Variants in CPAP observed in about 807,000 individuals in gnomAD.
The protein encoded by CPAP is centrosomal P4.1-associated protein.
the CPAP span, among the ~76,000 whole-genome samples, chr13:24,917,750 A>G: frequency 6.6e-6 from 1 of 152,230 alleles, no homozygotes; most frequent in African/African-American, 2.4e-5. Context: ...GGTAATTTAT[A>G]AAGAAATTTA....
the CPAP span, chr13:24,899,649 G>T: frequency 7.8e-7 from 1 of 1,287,168 alleles, no homozygotes; most frequent in Non-Finnish European, 1.1e-6. Context: ...TGCAGAACCT[G>T]CTGACAGGCT....
the CPAP span, chr13:24,906,822 T>C: frequency 1.9e-6 from 3 of 1,614,242 alleles, no homozygotes; most frequent in Non-Finnish European, 2.5e-6. Context: ...TCCTCGGAAG[T>C]GCTCTGGTTA....
At chr13:24,884,223 T>C in the CPAP span, 1 of 1,614,224 alleles carries the variant, frequency 6.2e-7, no homozygotes, top group Non-Finnish European at 8.5e-7. Context: ...GTGAGTGGTC[T>C]GGGCAGCTGC....
chr13:24,909,437 A>C, the CPAP span, among the ~76,000 whole-genome samples: 16 of 152,238 alleles, frequency 1.1e-4, no homozygotes, highest in South Asian at 2.1e-4. Flanking sequence ...CTGAGACACA[A>C]GAATCACTTG....
At chr13:24,920,241 G>A in the CPAP span, among the ~76,000 whole-genome samples, 2 of 152,320 alleles carry the variant, frequency 1.3e-5, no homozygotes, top group South Asian at 4.1e-4. Flanking sequence ...TCCACGAATA[G>A]TATCATGAAT....
chr13:24,909,682 A>G, the CPAP span: 3 of 1,039,584 alleles, frequency 2.9e-6, no homozygotes, highest in Non-Finnish European at 4.3e-6. Flanking sequence ...ACACGGCAAC[A>G]CTCCATCTCT....
At chr13:24,909,833 C>T in the CPAP span, 2 of 1,613,580 alleles carry the variant, frequency 1.2e-6, no homozygotes, top group Non-Finnish European at 1.7e-6. Flanking sequence ...TATTTTTTTC[C>T]ACAGGTGCTT....
At chr13:24,931,244 C>T in the CPAP span, among the ~76,000 whole-genome samples, 4 of 147,588 alleles carry the variant, frequency 2.7e-5, no homozygotes, top group African/African-American at 1.0e-4. Context: ...TGCACTTCCT[C>T]GGCTCAGGGA....
At chr13:24,885,598 A>G in the CPAP span, 1 of 1,592,980 alleles carries the variant, frequency 6.3e-7, no homozygotes, top group Non-Finnish European at 8.6e-7. Flanking sequence ...ATAAAAACAG[A>G]GATTTACTTG....
chr13:24,918,805 AG>A, the CPAP span, among the ~76,000 whole-genome samples: 169 of 152,294 alleles, frequency 1.1e-3, no homozygotes, highest in African/African-American at 3.9e-3. Context: ...GACTAGGCTT[AG>A]GAAGAGAAAG....
At chr13:24,933,389 A>C in the CPAP span, 1 of 319,610 alleles carries the variant, frequency 3.1e-6, no homozygotes, top group African/African-American at 2.1e-5. Context: ...ATATTACTAG[A>C]GCACAGCCAA....
the CPAP span, among the ~76,000 whole-genome samples, chr13:24,888,871 T>C: frequency 6.6e-6 from 1 of 152,134 alleles, no homozygotes; most frequent in Non-Finnish European, 1.5e-5. Context: ...ACACAGAATA[T>C]GAAACAATAC....
chr13:24,933,346 C>T, the CPAP span: 66 of 439,182 alleles, frequency 1.5e-4, no homozygotes, highest in African/African-American at 9.9e-4. Flanking sequence ...TTCCCTGAAC[C>T]GCAGGACAAT....
the CPAP span, among the ~76,000 whole-genome samples, chr13:24,891,687 G>A: frequency 1.3e-5 from 2 of 152,004 alleles, no homozygotes; most frequent in Admixed American, 6.6e-5. Flanking sequence ...ACCTGTTCCC[G>A]GTCTACAGCA....
chr13:24,904,258 A>G, the CPAP span, among the ~76,000 whole-genome samples: 32 of 152,360 alleles, frequency 2.1e-4, no homozygotes, highest in African/African-American at 7.7e-4. Flanking sequence ...TTTATGGAAG[A>G]ATTAATCTAC....
chr13:24,885,842 A>T, the CPAP span: 1 of 618,040 alleles, frequency 1.6e-6, no homozygotes, highest in Non-Finnish European at 2.9e-6. Flanking sequence ...ACAGGTACTT[A>T]AGTCCTAGAT....
the CPAP span, among the ~76,000 whole-genome samples, chr13:24,894,234 T>C: frequency 2.0e-4 from 31 of 152,112 alleles, no homozygotes; most frequent in Non-Finnish European, 4.1e-4. Flanking sequence ...GCGAAGGGGA[T>C]CCGTTGTCAC....
the CPAP span, among the ~76,000 whole-genome samples, chr13:24,925,067 G>T: frequency 1.3e-5 from 2 of 152,138 alleles, no homozygotes; most frequent in African/African-American, 4.8e-5. Flanking sequence ...CTAGCTCTGT[G>T]GGTCTTGTCA....
the CPAP span, chr13:24,912,986 G>A: frequency 2.5e-5 from 41 of 1,613,942 alleles, no homozygotes; most frequent in Non-Finnish European, 3.3e-5. Context: ...AGGAAGTTCT[G>A]CCCACTGTTT....
Sources: gnomAD v4.1 joint callset for allele counts (sites outside exome capture counted in the v4.1 genomes callset) on GRCh38, gnomAD v4.1.1 for gene constraint, MANE v1.5 for transcripts, NCBI Gene and HGNC (gene_info 2026-07-23, HGNC 2026-07-21) for gene names.